Variants in RBFOX1 observed in about 807,000 individuals in gnomAD.
RBFOX1 encodes RNA binding fox-1 homolog 1, also known as RNA binding protein fox-1 homolog 1.
Under a neutral mutation model 57.7 loss-of-function variants are expected in RBFOX1, and 8 were observed. That is an observed-to-expected ratio of 0.14 (90% CI 0.08 to 0.25). The LOEUF is 0.25. Among genes scored for constraint, RBFOX1 ranks in the 10% least tolerant of loss-of-function variants. The pLI, the probability that RBFOX1 is intolerant of heterozygous loss-of-function variation, is 1.00. For missense variants in RBFOX1, 611 were observed against 548.5 expected (o/e 1.11, Z -1.14); for synonymous variants, 326 against 222.4 (o/e 1.47, Z -4.15).
rs546727248 is a variant in RBFOX1, at chr16:6,455,976, A to C, written c.-64+138919A>C. On this transcript the variant is annotated intron_variant, in intron 2 of 15. Coordinates refer to ENST00000550418, the MANE Select transcript of RBFOX1 (RefSeq NM_018723.4). Reference sequence around the variant, plus strand: ...TAAGAATCTTAGACTAAAGCTAGCCACTGGAACTGAGCACAAAGCTTATAT... The same window carrying C: ...TAAGAATCTTAGACTAAAGCTAGCCCCTGGAACTGAGCACAAAGCTTATAT... 6.7e-4 allele frequency among the ~76,000 whole-genome samples: 102 copies of C among 152,308 alleles called. 1 individual carries two copies. The highest frequency in any genetic ancestry group is 2.3e-3 in the African/African-American group (96 of 41,570).
chr16:6,853,743 C>G (rs140297093), intron 3 of RBFOX1, among the ~76,000 whole-genome samples: 1 of 152,092 alleles, frequency 6.6e-6, no homozygotes, highest in Non-Finnish European at 1.5e-5. Context: ...TGGGATAATG[C>G]GCCTCACTGT....
intron 3 of RBFOX1, among the ~76,000 whole-genome samples, chr16:5,730,300 A>G (rs1422809861): frequency 6.6e-6 from 1 of 152,170 alleles, no homozygotes; most frequent in Non-Finnish European, 1.5e-5. Context: ...CACAGAGCAA[A>G]GACTACAGCT....
At chr16:5,863,153 C>T (rs1256802835) in intron 3 of RBFOX1, among the ~76,000 whole-genome samples, 2 of 152,188 alleles carry the variant, frequency 1.3e-5, no homozygotes, top group Non-Finnish European at 2.9e-5. Flanking sequence ...GAATCACGTC[C>T]ACTGAGTTCC....
At chr16:5,613,814 T>C (rs974455582) in intron 3 of RBFOX1, among the ~76,000 whole-genome samples, 1 of 152,120 alleles carries the variant, frequency 6.6e-6, no homozygotes, top group African/African-American at 2.4e-5. Flanking sequence ...GTTTTTTTTT[T>C]TCTTCCCCAG....
At chr16:6,378,911 G>T (rs1225535101) in intron 2 of RBFOX1, among the ~76,000 whole-genome samples, 1 of 152,114 alleles carries the variant, frequency 6.6e-6, no homozygotes, top group Non-Finnish European at 1.5e-5. Context: ...AGGGGACAAG[G>T]GTGGAATTGG....
chr16:6,958,582 A>G (rs149613229), intron 3 of RBFOX1, among the ~76,000 whole-genome samples: 49 of 152,326 alleles, frequency 3.2e-4, no homozygotes, highest in Middle Eastern at 3.4e-3. Context: ...ACCAAACGGA[A>G]TATTTCCTTT....
intron 4 of RBFOX1, among the ~76,000 whole-genome samples, chr16:5,986,559 C>G (rs8052848): frequency 6.6e-6 from 1 of 152,152 alleles, no homozygotes; most frequent in Non-Finnish European, 1.5e-5. Context: ...TGCCTCCTGT[C>G]ACGTGTTACC....
chr16:6,847,447 C>T (rs1308531454), intron 3 of RBFOX1, among the ~76,000 whole-genome samples: 1 of 152,032 alleles, frequency 6.6e-6, no homozygotes, highest in Non-Finnish European at 1.5e-5. Flanking sequence ...TCATCATCTT[C>T]ACAGCAATGG....
intron 4 of RBFOX1, among the ~76,000 whole-genome samples, chr16:7,088,438 T>C (rs1324899456): frequency 6.6e-6 from 1 of 152,174 alleles, no homozygotes; most frequent in African/African-American, 2.4e-5. Flanking sequence ...TGTGTGTCCG[T>C]ATGTGTGTAT....
chr16:7,703,173 T>TC (rs1180946559), intron 14 of RBFOX1, among the ~76,000 whole-genome samples: 1 of 152,232 alleles, frequency 6.6e-6, no homozygotes, highest in African/African-American at 2.4e-5. Flanking sequence ...GGATTCATTT[T>TC]TCCAAATACT....
At chr16:6,874,410 T>G (rs2061465937) in intron 3 of RBFOX1, among the ~76,000 whole-genome samples, 1 of 146,620 alleles carries the variant, frequency 6.8e-6, no homozygotes, top group East Asian at 2.0e-4. Flanking sequence ...CTTAGGAGGC[T>G]GAGGCAGGAG....
intron 4 of RBFOX1, among the ~76,000 whole-genome samples, chr16:7,247,553 T>C (rs2094350945): frequency 6.6e-6 from 1 of 152,200 alleles, no homozygotes; most frequent in Non-Finnish European, 1.5e-5. Context: ...AATATGAAAG[T>C]AATGAATAGT....
At chr16:7,181,040 C>T (rs1014462474) in intron 4 of RBFOX1, among the ~76,000 whole-genome samples, 9 of 152,190 alleles carry the variant, frequency 5.9e-5, no homozygotes, top group Non-Finnish European at 1.2e-4. Flanking sequence ...ATGTTTTTAA[C>T]CACAGTCAGC....
At chr16:6,190,052 G>C (rs902916683) in intron 1 of RBFOX1, among the ~76,000 whole-genome samples, 2 of 152,152 alleles carry the variant, frequency 1.3e-5, no homozygotes, top group Non-Finnish European at 2.9e-5. Context: ...ATCTATGTTT[G>C]TATATGTGTG....
chr16:6,455,607 G>A (rs1200808938), intron 2 of RBFOX1, among the ~76,000 whole-genome samples: 2 of 152,194 alleles, frequency 1.3e-5, no homozygotes, highest in Non-Finnish European at 1.5e-5. Flanking sequence ...CAGTAGTGCT[G>A]AAAGGCCTTC....
chr16:7,147,716 C>A (rs1031744837), intron 4 of RBFOX1, among the ~76,000 whole-genome samples: 1 of 152,044 alleles, frequency 6.6e-6, no homozygotes, highest in East Asian at 1.9e-4. Flanking sequence ...ATCCTATCTG[C>A]CATTGATGGG....
At chr16:6,295,699 G>A in intron 1 of RBFOX1, among the ~76,000 whole-genome samples, 1 of 152,206 alleles carries the variant, frequency 6.6e-6, no homozygotes, top group East Asian at 1.9e-4. Context: ...GTGTGATGCT[G>A]AAGGTACCAT....
intron 3 of RBFOX1, among the ~76,000 whole-genome samples, chr16:5,745,014 TA>T (rs2041960939): frequency 6.6e-6 from 1 of 152,186 alleles, no homozygotes; most frequent in African/African-American, 2.4e-5. Context: ...TACATATGTA[TA>T]CGTGTGCCCT....
At chr16:6,592,826 A>T (rs571352755) in intron 2 of RBFOX1, among the ~76,000 whole-genome samples, 7 of 152,144 alleles carry the variant, frequency 4.6e-5, no homozygotes, top group African/African-American at 1.7e-4. Flanking sequence ...TTCCAGTTCT[A>T]TTCATCCAGG....
Sources: gnomAD v4.1 joint callset for allele counts (sites outside exome capture counted in the v4.1 genomes callset) on GRCh38, gnomAD v4.1.1 for gene constraint, MANE v1.5 for transcripts, NCBI Gene and HGNC (gene_info 2026-07-23, HGNC 2026-07-21) for gene names.